The following DLG2 variants were observed in gnomAD, a reference collection of about 807,000 sequenced individuals.
The protein encoded by DLG2 is disks large homolog 2.
DLG2 carries 45 observed loss-of-function variants against 132.5 expected under a neutral mutation model. The observed-to-expected ratio is 0.34, with a 90% CI of 0.27 to 0.44. The LOEUF (loss-of-function observed/expected upper bound fraction) is 0.44, where lower values mean the gene tolerates loss of function less well. Ranked by LOEUF, DLG2 falls within the 20% of genes least tolerant of loss-of-function variation. The pLI is 1.00. For missense variants in DLG2, 1,045 were observed against 1,196.9 expected, an observed-to-expected ratio of 0.87 and a Z score of 1.87; for synonymous variants, 424 against 419.6, an observed-to-expected ratio of 1.01 and a Z score of -0.13.
At chr11:84,079,884 C>A (rs1174981118) in intron 10 of DLG2, among the ~76,000 whole-genome samples, 1 of 152,208 alleles carries the variant, frequency 6.6e-6, no homozygotes, top group African/African-American at 2.4e-5. Flanking sequence ...GCATTCTCTG[C>A]CTGAAGACTC....
chr11:84,577,866 CAGGCCCAG>C (rs2099506110), intron 6 of DLG2, among the ~76,000 whole-genome samples: 1 of 152,196 alleles, frequency 6.6e-6, no homozygotes, highest in Admixed American at 6.5e-5. Flanking sequence ...CCTCCCATCA[CAGGCCCAG>C]AGGCCCAGGA....
chr11:85,089,434 T>A (rs1000553320), intron 6 of DLG2, among the ~76,000 whole-genome samples: 1 of 152,224 alleles, frequency 6.6e-6, no homozygotes, highest in African/African-American at 2.4e-5. Flanking sequence ...AGTCTTCAGA[T>A]ACATATGTTT....
intron 18 of DLG2, among the ~76,000 whole-genome samples, chr11:83,649,456 GA>G (rs1236391509): frequency 6.6e-6 from 1 of 152,156 alleles, no homozygotes; most frequent in Non-Finnish European, 1.5e-5. Flanking sequence ...AAGAACCAGT[GA>G]AGTGAGGAAA....
At chr11:84,625,118 C>G (rs922505110) in intron 6 of DLG2, among the ~76,000 whole-genome samples, 3 of 151,824 alleles carry the variant, frequency 2.0e-5, no homozygotes, top group Non-Finnish European at 2.9e-5. Flanking sequence ...CCTCGGCCTC[C>G]CAAAGTGCTG....
At chr11:84,389,390 A>G (rs1233573747) in intron 7 of DLG2, among the ~76,000 whole-genome samples, 1 of 152,118 alleles carries the variant, frequency 6.6e-6, no homozygotes, top group Non-Finnish European at 1.5e-5. Flanking sequence ...TCCCAAGTCA[A>G]TACCAAAATG....
chr11:84,109,202 T>C (rs1456743777), intron 9 of DLG2, among the ~76,000 whole-genome samples: 1 of 152,140 alleles, frequency 6.6e-6, no homozygotes, highest in Non-Finnish European at 1.5e-5. Flanking sequence ...CTTAAGGAAG[T>C]CAAGATGCTG....
chr11:84,304,423 C>T (rs1056932965), intron 7 of DLG2, among the ~76,000 whole-genome samples: 2 of 152,172 alleles, frequency 1.3e-5, no homozygotes, highest in African/African-American at 4.8e-5. Context: ...GTGCTTAATC[C>T]AGACTTTTTA....
At chr11:84,630,456 C>G (rs944936533) in intron 6 of DLG2, among the ~76,000 whole-genome samples, 1 of 152,112 alleles carries the variant, frequency 6.6e-6, no homozygotes, top group African/African-American at 2.4e-5. Flanking sequence ...TTCATTTTCT[C>G]AACATTTTTA....
intron 4 of DLG2, among the ~76,000 whole-genome samples, chr11:85,236,618 A>G (rs2075601089): frequency 1.3e-5 from 2 of 152,032 alleles, no homozygotes; most frequent in South Asian, 4.1e-4. Context: ...TACGAATTTC[A>G]GGGGAGACAT....
chr11:83,712,854 G>T (rs186001074), intron 18 of DLG2, among the ~76,000 whole-genome samples: 278 of 152,132 alleles, frequency 1.8e-3, no homozygotes, highest in African/African-American at 6.6e-3. Flanking sequence ...ATAGCTAATG[G>T]ATGCTAGGCT....
chr11:85,483,412 T>C (rs1324588832), intron 3 of DLG2, among the ~76,000 whole-genome samples: 1 of 152,098 alleles, frequency 6.6e-6, no homozygotes, highest in Non-Finnish European at 1.5e-5. Flanking sequence ...AATAAAGACT[T>C]TCACAGACAA....
rs537905819 is a variant in DLG2, at chr11:85,076,123, T to C, written c.357+35538A>G. On this transcript the variant is annotated intron_variant, in intron 6 of 27. Coordinates refer to ENST00000376104, the MANE Select transcript of DLG2 (RefSeq NM_001142699.3). ...TGAATTTTTACCATGTGTCAGAAAG[T>C]ATGCTATTACAGCTAGAGATACACA... Among the ~76,000 whole-genome samples, 92 of 152,078 alleles carry C rather than the reference T, an allele frequency of 6.0e-4. 1 individual carries two copies. Among genetic ancestry groups the C allele is most frequent in the African/African-American group, 2.1e-3 (89 of 41,526 alleles).
chr11:85,070,622 C>T (rs763727033), intron 6 of DLG2, among the ~76,000 whole-genome samples: 1 of 151,740 alleles, frequency 6.6e-6, no homozygotes, highest in Non-Finnish European at 1.5e-5. Flanking sequence ...AAGTAAGTCC[C>T]ATAGCCTGTA....
At chr11:85,466,878 T>G (rs2092809742) in intron 3 of DLG2, among the ~76,000 whole-genome samples, 1 of 152,204 alleles carries the variant, frequency 6.6e-6, no homozygotes, top group Non-Finnish European at 1.5e-5. Context: ...GGGATGGCAT[T>G]GAATCTATTA....
chr11:83,510,560 C>T (rs1350987547), intron 21 of DLG2, among the ~76,000 whole-genome samples: 1 of 152,158 alleles, frequency 6.6e-6, no homozygotes. Flanking sequence ...TAGCAGGATG[C>T]ATCACGGGGA....
In DLG2 at chr11:85,549,603, T is replaced by A. The variant is rs1598440947; in HGVS notation, c.40+49054A>T. On this transcript the variant is annotated intron_variant, in intron 3 of 27. Coordinates refer to ENST00000376104, the MANE Select transcript of DLG2 (RefSeq NM_001142699.3). Reference sequence around the variant, plus strand: ...GTATAGGGGCTAGGTAAAATAAGACTGAGACCTACTGGGCTGCATTCCCAG... The same window carrying A: ...GTATAGGGGCTAGGTAAAATAAGACAGAGACCTACTGGGCTGCATTCCCAG... 3.9e-5 allele frequency among the ~76,000 whole-genome samples: 6 copies of A among 152,290 alleles called. No homozygotes were observed. In the South Asian group the frequency reaches 1.2e-3, roughly 32 times the overall value.
At chr11:84,625,103 G>A (rs925755905) in intron 6 of DLG2, among the ~76,000 whole-genome samples, 9 of 151,200 alleles carry the variant, frequency 6.0e-5, no homozygotes, top group Non-Finnish European at 1.3e-4. Context: ...CTCGTGATCC[G>A]CCCGCCTCGG....
At chr11:84,314,631 T>C (rs1334049332) in intron 7 of DLG2, among the ~76,000 whole-genome samples, 3 of 152,096 alleles carry the variant, frequency 2.0e-5, no homozygotes, top group African/African-American at 7.2e-5. Context: ...TGCAGCATTC[T>C]TTGGAAGAAC....
intron 6 of DLG2, among the ~76,000 whole-genome samples, chr11:84,967,917 G>C (rs2053556029): frequency 6.6e-6 from 1 of 152,136 alleles, no homozygotes; most frequent in East Asian, 1.9e-4. Flanking sequence ...AAAAGGTCCT[G>C]TTCTTCAGAA....
Sources: gnomAD v4.1 joint callset for allele counts (sites outside exome capture counted in the v4.1 genomes callset) on GRCh38, gnomAD v4.1.1 for gene constraint, MANE v1.5 for transcripts, NCBI Gene and HGNC (gene_info 2026-07-23, HGNC 2026-07-21) for gene names.